ADGRA3: variants seen among roughly 807,000 people sequenced by gnomAD.
ADGRA3 encodes G-protein coupled receptor 125.
Under a neutral mutation model 119.8 loss-of-function variants are expected in ADGRA3, and 56 were observed. That is an observed-to-expected ratio of 0.47 (90% CI 0.38 to 0.58). The LOEUF (loss-of-function observed/expected upper bound fraction) is 0.58. Ranked by LOEUF, ADGRA3 falls within the 20% of genes least tolerant of loss-of-function variation. The probability of loss-of-function intolerance (pLI) is 0.00; values close to 1 mark genes in which losing one functional copy is unlikely to be tolerated. For missense variants in ADGRA3, 1,516 were observed against 1,649.0 expected (o/e 0.92, Z 1.40); for synonymous variants, 607 against 623.8 (o/e 0.97, Z 0.40).
At chr4:22,502,315 T>A (rs1486464141) in intron 1 of ADGRA3, among the ~76,000 whole-genome samples, 2 of 152,166 alleles carry the variant, frequency 1.3e-5, no homozygotes, top group East Asian at 3.9e-4. Context: ...GACTTTAAAA[T>A]GGTCTAATCT....
rs115343489 is a variant in ADGRA3, at chr4:22,460,586, G to A, written c.401+1151C>T. 4.1e-3 allele frequency among the ~76,000 whole-genome samples: 627 copies of A among 152,224 alleles called. 3 individuals are homozygous for A. The highest frequency in any genetic ancestry group is 7.8e-3 in the Non-Finnish European group (530 of 68,016). ...TTTGCTTTCCCTTAAGAGACTCAAG[G>A]TCCTTTTCCTTTGTCTTGTCACTTC... On this transcript the variant is annotated intron_variant, in intron 3 of 18. Transcript: ENST00000334304.
intron 10 of ADGRA3, among the ~76,000 whole-genome samples, chr4:22,430,337 G>A (rs1716110940): frequency 6.6e-6 from 1 of 152,314 alleles, no homozygotes; most frequent in South Asian, 2.1e-4. Context: ...GAAGAAGACA[G>A]GAAAATGTGG....
chr4:22,468,248 C>T (rs964980560), intron 2 of ADGRA3, among the ~76,000 whole-genome samples: 1 of 152,198 alleles, frequency 6.6e-6, no homozygotes, highest in Admixed American at 6.5e-5. Flanking sequence ...CAGCAGGCTG[C>T]TCTGCTCCTC....
chr4:22,507,196 C>T (rs746777370), intron 1 of ADGRA3, among the ~76,000 whole-genome samples: 12 of 151,948 alleles, frequency 7.9e-5, no homozygotes, highest in Non-Finnish European at 1.6e-4. Flanking sequence ...GCCGAGATCG[C>T]GCCACTGCAC....
chr4:22,387,678 A>C lies in ADGRA3; in HGVS notation c.*27T>G, dbSNP rs1713894865. 1 of 1,567,962 alleles carries C rather than the reference A, an allele frequency of 6.4e-7. No individual in the cohort carries two copies. The highest frequency in any genetic ancestry group is 8.6e-7 in the Non-Finnish European group (1 of 1,156,392). ...GAATGTGAGTATCACAGTTTATATG[A>C]ATTTCTGCCTAGGAAGCCCAGCAAT... On this transcript the variant is annotated 3_prime_UTR_variant, in exon 19 of 19. Transcript: ENST00000334304.
intron 2 of ADGRA3, among the ~76,000 whole-genome samples, chr4:22,466,723 A>AAG: frequency 6.6e-6 from 1 of 151,942 alleles, no homozygotes; most frequent in South Asian, 2.1e-4. Flanking sequence ...AAAAAAAAAA[A>AAG]CTTGTGAACA....
chr4:22,493,974 G>A (rs573650173), intron 1 of ADGRA3, among the ~76,000 whole-genome samples: 4 of 152,178 alleles, frequency 2.6e-5, no homozygotes, highest in Non-Finnish European at 5.9e-5. Context: ...GGAGGCCGAG[G>A]CGGGTGGATC....
intron 4 of ADGRA3, among the ~76,000 whole-genome samples, chr4:22,454,362 C>T (rs1274735421): frequency 6.6e-6 from 1 of 151,954 alleles, no homozygotes; most frequent in Non-Finnish European, 1.5e-5. Flanking sequence ...AACAATTCAC[C>T]CCAGATCACA....
At chr4:22,495,780 G>A (rs934314010) in intron 1 of ADGRA3, among the ~76,000 whole-genome samples, 1 of 152,030 alleles carries the variant, frequency 6.6e-6, no homozygotes, top group Admixed American at 6.5e-5. Flanking sequence ...GTGGTGGCCG[G>A]CACCTGTAGT....
chr4:22,405,095 G>T (rs1417998388), intron 14 of ADGRA3, among the ~76,000 whole-genome samples: 1 of 152,174 alleles, frequency 6.6e-6, no homozygotes, highest in Non-Finnish European at 1.5e-5. Flanking sequence ...GGTTGGAGAA[G>T]GGGTAGAAGA....
chr4:22,408,557 T>C (rs556863997), intron 14 of ADGRA3, among the ~76,000 whole-genome samples: 34 of 152,226 alleles, frequency 2.2e-4, no homozygotes, highest in Middle Eastern at 6.8e-3. Context: ...TCAACATCAA[T>C]AGTCACCAGA....
intron 10 of ADGRA3, among the ~76,000 whole-genome samples, chr4:22,430,946 A>G (rs1716141335): frequency 6.6e-6 from 1 of 152,226 alleles, no homozygotes; most frequent in African/African-American, 2.4e-5. Flanking sequence ...GCTGCTTCAC[A>G]GGGGGCAACC....
At position 22,402,706 on chromosome 4, in the gene ADGRA3, C is replaced by T; in HGVS notation, c.2326G>A (p.Ala776Thr). 1 of 1,613,844 alleles carries T rather than the reference C, an allele frequency of 6.2e-7. No individual in the cohort carries two copies. ...TAIILLLCLL[A>T]VIVSYIYHHS... is the part of the protein sequence containing the mutation. ...TGGTATATGTAACTGACAATGACGG[C>T]TAAGAGACATAAGAGGAGAATGATA... Residue 776 changes from alanine to threonine, a missense_variant, in exon 15 of 19, where the codon GCC becomes ACC. Physicochemically the swap from Ala to Thr is moderately conservative, Grantham distance 58. Around this residue, in one of 2 missense-constraint regions of ADGRA3, gnomAD observed 1,088 missense variants for 1,107.1 expected, o/e 0.98. Coordinates refer to ENST00000334304, the MANE Select transcript of ADGRA3 (RefSeq NM_145290.4).
At chr4:22,506,978 T>A (rs1719260211) in intron 1 of ADGRA3, among the ~76,000 whole-genome samples, 1 of 151,974 alleles carries the variant, frequency 6.6e-6, no homozygotes, top group South Asian at 2.1e-4. Context: ...TGGCTCACAG[T>A]TGTAATCCCA....
At chr4:22,424,486 C>T in intron 10 of ADGRA3, 134 bp from the exon 11 acceptor site, 2 of 884,570 alleles carry the variant, frequency 2.3e-6, no homozygotes, top group South Asian at 1.8e-5. Flanking sequence ...AGGCACTTTA[C>T]TTGTTTCTCA....
Position 22,401,566 on chromosome 4 carries a change from A to G in ADGRA3, c.2358-12T>C. The G allele has an allele frequency of 2.5e-6, 4 of 1,594,806 alleles. No individual in the cohort carries two copies. The highest frequency in any genetic ancestry group is 3.4e-6 in the Non-Finnish European group (4 of 1,167,550). On this transcript the variant is annotated splice_polypyrimidine_tract_variant and intron_variant, in intron 15 of 18. Transcript: ENST00000334304. ...TGATTCTAATCAAACTGTTTAAAAAAGAGAGAAAATATTAATATTCAGGCT... is the reference window on the plus strand; with the variant it reads ...TGATTCTAATCAAACTGTTTAAAAAGGAGAGAAAATATTAATATTCAGGCT...
At chr4:22,431,210 C>T (rs528647808) in intron 10 of ADGRA3, among the ~76,000 whole-genome samples, 1 of 152,086 alleles carries the variant, frequency 6.6e-6, no homozygotes, top group Admixed American at 6.5e-5. Context: ...AGAAAAAGGC[C>T]ACCGTCCTCC....
chr4:22,490,219 T>C (rs1462129207), intron 1 of ADGRA3, among the ~76,000 whole-genome samples: 3 of 151,080 alleles, frequency 2.0e-5, no homozygotes, highest in African/African-American at 7.3e-5. Context: ...AATGCCATAG[T>C]AGATATCTTT....
intron 5 of ADGRA3, 53 bp from the exon 6 acceptor site, chr4:22,445,186 C>T: frequency 6.5e-7 from 1 of 1,538,242 alleles, no homozygotes; most frequent in South Asian, 1.1e-5. Context: ...TTAAATAGCA[C>T]TTTTGTTTTA....
Sources: allele counts gnomAD v4.1 joint callset (sites outside exome capture counted in the v4.1 genomes callset), GRCh38; gene constraint gnomAD v4.1.1; regional missense constraint gnomAD v4.1.1; transcripts MANE v1.5; gene names NCBI Gene and HGNC (gene_info 2026-07-23, HGNC 2026-07-21).